ANKEF1: variants seen among roughly 807,000 people sequenced by gnomAD.
ANKEF1 encodes the protein ankyrin repeat and EF-hand domain-containing protein 1.
Under a neutral mutation model 65.1 loss-of-function variants are expected in ANKEF1, and 43 were observed. The ratio of observed to expected loss-of-function variants is 0.66; its 90% CI spans 0.52 to 0.85. ANKEF1 has a LOEUF of 0.85. ANKEF1 is among the 40% of genes least tolerant of loss of function. The pLI is 0.00. For missense variants in ANKEF1, 934 were observed against 952.9 expected (o/e 0.98, Z 0.26); for synonymous variants, 316 against 341.5 (o/e 0.93, Z 0.82).
intron 3 of ANKEF1, chr20:10,040,476 T>C (rs1003559923): frequency 1.3e-5 from 2 of 152,214 alleles, no homozygotes; most frequent in Admixed American, 1.3e-4. Flanking sequence ...TTACAGAATA[T>C]GGAGAAGGTA....
In ANKEF1 at chr20:10,056,900, C is replaced by T. The variant is rs1985206635; in HGVS notation, c.*1240C>T. 1 of 152,186 alleles carries T rather than the reference C, an allele frequency of 6.6e-6. No homozygotes were observed. Among genetic ancestry groups the T allele is most frequent in the Non-Finnish European group, 1.5e-5 (1 of 68,042 alleles). 9.4% of individuals were successfully genotyped at this position (152,186 alleles called of 1,614,324 possible). On this transcript the variant is annotated 3_prime_UTR_variant, in exon 11 of 11. Transcript: ENST00000378392. ...TTGCATGTACACAATTCCTTCACCA[C>T]AACACCTAAGATTAGTATTTGATTG...
intron 3 of ANKEF1, 120 bp from the exon 4 acceptor site, chr20:10,043,002 A>G: frequency 1.1e-6 from 1 of 936,750 alleles, no homozygotes; most frequent in Non-Finnish European, 1.6e-6. Context: ...GGTTTCAGAG[A>G]GGAAACTGAG....
rs1181607970 is a variant in ANKEF1 at position 10,051,884 on chromosome 20, GA to G, written c.1869del (p.His625IlefsTer15). 6.2e-7 allele frequency: 1 copy of G among 1,603,534 alleles called. No homozygotes were observed. The highest frequency in any genetic ancestry group is 8.5e-7 in the Non-Finnish European group (1 of 1,173,798). On this transcript the variant is annotated frameshift_variant, in exon 8 of 11. Transcript: ENST00000378392. LOFTEE classifies it high-confidence loss of function. ...GGTGCTAAATTCCAGCTGGAAAATA[GA>G]AAAGGTATGCGTTCATATTATTGAT... ...DIGAKFQLEN[R>X]KGHSAMDVAK...
chr20:10,037,326 A>C (rs1359623358), intron 2 of ANKEF1, among the ~76,000 whole-genome samples: 5 of 152,132 alleles, frequency 3.3e-5, no homozygotes, highest in African/African-American at 7.2e-5. Context: ...TGTGGCACCC[A>C]AGAGAGCTAC....
In ANKEF1 at chr20:10,049,533, A is replaced by G. The variant is rs1041792855; in HGVS notation, c.964A>G (p.Asn322Asp). 1.9e-6 allele frequency: 3 copies of G among 1,614,102 alleles called. No individual in the cohort carries two copies. Among genetic ancestry groups the G allele is most frequent in the African/African-American group, 2.7e-5 (2 of 75,028 alleles). ...KLARPGAKNP[N>D]PLWALRLHDW... Reference sequence around the variant, plus strand: ...AGCCAGGCCAGGAGCCAAAAATCCAAATCCACTGTGGGCCCTTAGACTGCA... The same window carrying G: ...AGCCAGGCCAGGAGCCAAAAATCCAGATCCACTGTGGGCCCTTAGACTGCA... Residue 322 changes from asparagine to aspartate, a missense_variant, in exon 7 of 11, where the codon AAT (asparagine) becomes GAT (aspartate). Asn to Asp is a conservative substitution (Grantham distance 23, BLOSUM62 1). Transcript: ENST00000378392.
intron 6 of ANKEF1, among the ~76,000 whole-genome samples, chr20:10,048,371 T>C (rs1874564525): frequency 6.6e-6 from 1 of 152,138 alleles, no homozygotes; most frequent in South Asian, 2.1e-4. Flanking sequence ...TCCTCTAGAA[T>C]GGGGTATCCA....
At position 10,053,201 on chromosome 20, in the gene ANKEF1, G is replaced by A; in HGVS notation, c.1960G>A (p.Ala654Thr). 1.9e-6 allele frequency: 3 copies of A among 1,613,628 alleles called. No individual in the cohort carries two copies. Among genetic ancestry groups the A allele is most frequent in the Non-Finnish European group, 2.5e-6 (3 of 1,179,774 alleles). Residue 654 changes from alanine (A) to threonine (T), a missense_variant, in exon 9 of 11, where the codon GCA becomes ACA. By Grantham distance (58) the Ala-to-Thr change is moderately conservative. Transcript: ENST00000378392. ...AAAGCTAGATAACTTGCCGAAACCAGCAGAAAATCAAAAACTAAAAGGCAA... is the reference window on the plus strand; with the variant it reads ...AAAGCTAGATAACTTGCCGAAACCAACAGAAAATCAAAAACTAAAAGGCAA... ...KEKLDNLPKP[A>T]ENQKLKGKTP...
chr20:10,040,489 G>C (rs1348391037), intron 3 of ANKEF1: 1 of 152,204 alleles, frequency 6.6e-6, no homozygotes, highest in South Asian at 2.1e-4. Context: ...AGAAGGTAAA[G>C]CTCTAAGCCA....
chr20:10,035,177 C>T lies in ANKEF1; in HGVS notation c.-265C>T, dbSNP rs1354243251. 6.6e-6 allele frequency: 1 copy of T among 152,406 alleles called. No individual in the cohort carries two copies. Among genetic ancestry groups the T allele is most frequent in the Non-Finnish European group, 1.5e-5 (1 of 68,168 alleles). The allele number at this position is 152,406 out of a possible 1,614,324, so 9.4% of individuals were successfully genotyped here. On this transcript the variant is annotated 5_prime_UTR_variant, in exon 1 of 11. Transcript: ENST00000378392. ...CCTACCCAAGGGACATCATTCACGC[C>T]TGGGCGCCTCCGCCGGGCTCCGGGA...
chr20:10,046,367 A>T (rs1299608122), intron 6 of ANKEF1, among the ~76,000 whole-genome samples: 3 of 152,238 alleles, frequency 2.0e-5, no homozygotes, highest in Non-Finnish European at 4.4e-5. Flanking sequence ...AGTTTATTTT[A>T]AAAAATGTTC....
intron 2 of ANKEF1, among the ~76,000 whole-genome samples, chr20:10,037,188 A>G (rs908529537): frequency 6.6e-6 from 1 of 152,186 alleles, no homozygotes; most frequent in Non-Finnish European, 1.5e-5. Context: ...TTATACCAAA[A>G]TAAGGTGACG....
intron 9 of ANKEF1, among the ~76,000 whole-genome samples, chr20:10,053,731 C>T (rs1273941689): frequency 3.9e-5 from 6 of 152,142 alleles, no homozygotes; most frequent in East Asian, 1.9e-4. Flanking sequence ...TCCCACCTGC[C>T]GCCTCCACCA....
intron 3 of ANKEF1, among the ~76,000 whole-genome samples, chr20:10,042,630 A>T (rs931494298): frequency 2.0e-5 from 3 of 152,334 alleles, no homozygotes; most frequent in African/African-American, 7.2e-5. Flanking sequence ...CCATCTAATT[A>T]GCCACTTGGC....
rs147251702 is a variant in ANKEF1 at position 10,036,848 on chromosome 20, G to A, written c.-45+1206G>A. On this transcript the variant is annotated intron_variant, in intron 2 of 10. Transcript: ENST00000378392. ...CAGAGTGAGAGTTGGGCTGAGGGTCGAGGGTCATGGGATAGGGCGAGACAC... is the reference window on the plus strand; with the variant it reads ...CAGAGTGAGAGTTGGGCTGAGGGTCAAGGGTCATGGGATAGGGCGAGACAC... Among the ~76,000 whole-genome samples the A allele has an allele frequency of 3.7e-3, 568 of 152,222 alleles. 13 individuals are homozygous for A. The highest frequency in any genetic ancestry group is 0.033 in the Admixed American group (504 of 15,296).
intron 3 of ANKEF1, among the ~76,000 whole-genome samples, chr20:10,041,238 T>G (rs939215189): frequency 4.6e-5 from 7 of 151,988 alleles, no homozygotes; most frequent in African/African-American, 1.7e-4. Flanking sequence ...GTGTTTTTCT[T>G]TATATGCTTG....
At chr20:10,035,759 T>C (rs1983804190) in intron 2 of ANKEF1, 117 bp downstream of exon 2, 1 of 152,264 alleles carries the variant, frequency 6.6e-6, no homozygotes, top group South Asian at 2.1e-4. Flanking sequence ...ACCAAGCTTG[T>C]CTTCCTCCAT....
intron 6 of ANKEF1, among the ~76,000 whole-genome samples, chr20:10,045,903 A>T (rs1984498045): frequency 6.6e-6 from 1 of 152,128 alleles, no homozygotes; most frequent in South Asian, 2.1e-4. Context: ...ATGAAAACCC[A>T]TTTGTCCAAA....
In ANKEF1 at chr20:10,035,039, C is replaced by T. The variant is rs761278212; in HGVS notation, c.-403C>T. 8.5e-5 allele frequency: 13 copies of T among 153,110 alleles called. No individual in the cohort carries two copies. Among genetic ancestry groups the T allele is most frequent in the East Asian group, 1.9e-4 (1 of 5,230 alleles). 9.5% of individuals were successfully genotyped at this position (153,110 alleles called of 1,614,324 possible). Reference sequence around the variant, plus strand: ...GAAGCTCACAATCAGCCCGGTCCCTCCGGCTTCCACCCCGCCCCCTGCGCT... The same window carrying T: ...GAAGCTCACAATCAGCCCGGTCCCTTCGGCTTCCACCCCGCCCCCTGCGCT... On this transcript the variant is annotated 5_prime_UTR_variant, in exon 1 of 11. Transcript: ENST00000378392.
At chr20:10,047,291 G>T (rs1984572043) in intron 6 of ANKEF1, among the ~76,000 whole-genome samples, 1 of 152,192 alleles carries the variant, frequency 6.6e-6, no homozygotes, top group South Asian at 2.1e-4. Context: ...CTATTTTAAA[G>T]CAAATGTTTG....
Sources: gnomAD v4.1 joint callset for allele counts (sites outside exome capture counted in the v4.1 genomes callset) on GRCh38, gnomAD v4.1.1 for gene constraint, MANE v1.5 for transcripts, NCBI Gene and HGNC (gene_info 2026-07-23, HGNC 2026-07-21) for gene names.